Variants in GATAD2B observed in about 807,000 individuals in gnomAD.
GATAD2B encodes transcriptional repressor p66-beta.
Under a neutral mutation model 64.3 loss-of-function variants are expected in GATAD2B, and 8 were observed. That is an observed-to-expected ratio of 0.12 (90% CI 0.07 to 0.22). The LOEUF is 0.22. Ranked by LOEUF, GATAD2B falls within the 10% of genes least tolerant of loss-of-function variation. The pLI, the probability that GATAD2B is intolerant of heterozygous loss-of-function variation, is 1.00. For synonymous variants in GATAD2B, 281 were observed against 271.3 expected, an observed-to-expected ratio of 1.04 and a Z score of -0.35; for missense variants, 453 against 752.0, an observed-to-expected ratio of 0.60 and a Z score of 4.65.
intron 1 of GATAD2B, among the ~76,000 whole-genome samples, chr1:153,877,446 T>C (rs1442766932): frequency 6.6e-6 from 1 of 151,408 alleles, no homozygotes; most frequent in African/African-American, 2.4e-5. Context: ...TTAAGGCCTA[T>C]GAGAGTTAAG....
chr1:153,835,474 A>G (rs1171436628), intron 1 of GATAD2B, among the ~76,000 whole-genome samples: 1 of 148,198 alleles, frequency 6.7e-6, no homozygotes, highest in Non-Finnish European at 1.5e-5. Flanking sequence ...TGTAATCTCA[A>G]AAAAAAAAAA....
intron 7 of GATAD2B, among the ~76,000 whole-genome samples, chr1:153,814,698 G>A (rs1018341825): frequency 1.3e-5 from 2 of 151,974 alleles, no homozygotes; most frequent in African/African-American, 4.8e-5. Flanking sequence ...TGCTTGCGCC[G>A]GGCACAGTGG....
intron 1 of GATAD2B, among the ~76,000 whole-genome samples, chr1:153,841,373 A>C (rs1675488668): frequency 6.6e-6 from 1 of 152,128 alleles, no homozygotes; most frequent in Non-Finnish European, 1.5e-5. Context: ...ATCACAGTTA[A>C]GAAACAGCAC....
At chr1:153,826,104 C>T (rs1056792516) in intron 2 of GATAD2B, among the ~76,000 whole-genome samples, 4 of 151,892 alleles carry the variant, frequency 2.6e-5, no homozygotes, top group African/African-American at 9.7e-5. Flanking sequence ...CCCGGGTTCA[C>T]ACCATTCTCC....
chr1:153,828,285 T>C lies in GATAD2B; in HGVS notation c.63A>G (p.Ala21=), dbSNP rs752760151. ...TTGCCAGGACATCATCTCGCTCATC[T>C]GCTGGGTCCAAGCTCCGCTTCAACA... is the stretch of plus-strand genomic sequence containing the variant. ...LNLLKRSLDP[A]DERDDVLAKR... The change falls in exon 2 of 11, where the codon GCA becomes GCG. Residue 21 remains alanine, a synonymous_variant. Transcript: ENST00000368655. 6.2e-7 allele frequency: 1 copy of C among 1,613,728 alleles called. No individual in the cohort carries two copies. The highest frequency in any genetic ancestry group is 8.5e-7 in the Non-Finnish European group (1 of 1,180,052).
rs1273903339 is a variant in GATAD2B, at chr1:153,871,905, G to A, written c.-1-43557C>T. ...GTCAAGGCTGCAGTGAGCTGAGATC[G>A]TGTCACTGCACTCCAGCCTGGGTGA... On this transcript the variant is annotated intron_variant, in intron 1 of 10. Transcript: ENST00000368655. Among the ~76,000 whole-genome samples the A allele has an allele frequency of 2.6e-5, 4 of 152,136 alleles. No individual in the cohort carries two copies. In the East Asian group the frequency reaches 5.8e-4, roughly 22 times the overall value.
chr1:153,890,728 G>A (rs1677357810), intron 1 of GATAD2B: 1 of 152,098 alleles, frequency 6.6e-6, no homozygotes, highest in Non-Finnish European at 1.5e-5. Context: ...ACACCATGTT[G>A]GCCAAAACTG....
chr1:153,919,355 A>G (rs994321607), intron 1 of GATAD2B, among the ~76,000 whole-genome samples: 1 of 152,206 alleles, frequency 6.6e-6, no homozygotes, highest in Non-Finnish European at 1.5e-5. Flanking sequence ...TGACCCTGGG[A>G]CACTCCCTTC....
chr1:153,866,022 T>G (rs951846869), intron 1 of GATAD2B, among the ~76,000 whole-genome samples: 9 of 152,052 alleles, frequency 5.9e-5, no homozygotes, highest in African/African-American at 2.2e-4. Flanking sequence ...CTGGCCAACA[T>G]GGTCAAACCC....
intron 2 of GATAD2B, among the ~76,000 whole-genome samples, chr1:153,822,428 T>C (rs1674712979): frequency 6.6e-6 from 1 of 152,202 alleles, no homozygotes; most frequent in South Asian, 2.1e-4. Context: ...AAGTTATATC[T>C]GAGAACAACT....
chr1:153,850,005 G>A (rs1675832736), intron 1 of GATAD2B, among the ~76,000 whole-genome samples: 1 of 152,150 alleles, frequency 6.6e-6, no homozygotes, highest in Non-Finnish European at 1.5e-5. Flanking sequence ...CTGAGAGGTA[G>A]TGTATCTGTG....
At chr1:153,819,446 CT>C in intron 3 of GATAD2B, among the ~76,000 whole-genome samples, 159 bp downstream of exon 3, 1 of 152,144 alleles carries the variant, frequency 6.6e-6, no homozygotes. Context: ...CTAATAGTTC[CT>C]TTTGAAAGCC....
At chr1:153,876,255 A>AC (rs1676830360) in intron 1 of GATAD2B, among the ~76,000 whole-genome samples, 1 of 141,350 alleles carries the variant, frequency 7.1e-6, no homozygotes, top group Non-Finnish European at 1.6e-5. Context: ...AAAAAAAAAA[A>AC]AAAAAGATTT....
At chr1:153,822,516 C>T (rs1674717045) in intron 2 of GATAD2B, among the ~76,000 whole-genome samples, 1 of 152,130 alleles carries the variant, frequency 6.6e-6, no homozygotes, top group African/African-American at 2.4e-5. Flanking sequence ...GCCAAAGCCT[C>T]TCTGTTTTTC....
At chr1:153,898,646 G>A (rs1464557214) in intron 1 of GATAD2B, among the ~76,000 whole-genome samples, 1 of 152,118 alleles carries the variant, frequency 6.6e-6, no homozygotes, top group East Asian at 1.9e-4. Context: ...CACCAACAAA[G>A]ATAACCTTCC....
At chr1:153,862,952 G>A (rs1006529653) in intron 1 of GATAD2B, among the ~76,000 whole-genome samples, 1 of 150,120 alleles carries the variant, frequency 6.7e-6, no homozygotes, top group East Asian at 2.0e-4. Flanking sequence ...TCAAACTCCC[G>A]ACCTCAGGTG....
chr1:153,853,200 T>A, intron 1 of GATAD2B: 1 of 1,188,280 alleles, frequency 8.4e-7, no homozygotes, highest in African/African-American at 1.5e-5. Context: ...CAGCTCTAGC[T>A]TCTGGATGAT....
chr1:153,853,814 G>A (rs958221680), intron 1 of GATAD2B, among the ~76,000 whole-genome samples: 1 of 152,026 alleles, frequency 6.6e-6, no homozygotes, highest in African/African-American at 2.4e-5. Flanking sequence ...ATTTTGCTGT[G>A]GATATCCACT....
chr1:153,880,667 G>A (rs1676982898), intron 1 of GATAD2B, among the ~76,000 whole-genome samples: 1 of 151,530 alleles, frequency 6.6e-6, no homozygotes, highest in Non-Finnish European at 1.5e-5. Context: ...AACACAGGAA[G>A]ACCAAATTTC....
Sources: gnomAD v4.1 joint callset for allele counts (sites outside exome capture counted in the v4.1 genomes callset) on GRCh38, gnomAD v4.1.1 for gene constraint, MANE v1.5 for transcripts, NCBI Gene and HGNC (gene_info 2026-07-23, HGNC 2026-07-21) for gene names.